The following LUC7L2 variants were observed in gnomAD, a reference collection of about 807,000 sequenced individuals.
LUC7L2 encodes LUC7 like 2, pre-mRNA splicing factor, also known as putative RNA-binding protein Luc7-like 2.
A neutral mutation model predicts 52.8 loss-of-function variants in LUC7L2; 25 were observed. The ratio of observed to expected loss-of-function variants is 0.47; its 90% CI spans 0.34 to 0.66. The LOEUF (loss-of-function observed/expected upper bound fraction) is 0.66. LUC7L2 is among the 30% of genes least tolerant of loss of function. The pLI, the probability that LUC7L2 is intolerant of heterozygous loss-of-function variation, is 0.01. For synonymous variants in LUC7L2, 144 were observed against 160.9 expected (o/e 0.89, Z 0.80); for missense variants, 328 against 497.8 (o/e 0.66, Z 3.25).
At chr7:139,340,680 T>C (rs578068936) in intron 1 of LUC7L2, 29 of 394,628 alleles carry the variant, frequency 7.3e-5, no homozygotes, top group East Asian at 1.8e-4. Flanking sequence ...ATATGTTGTG[T>C]GAGCGCGTCG....
rs750892943 is a variant in LUC7L2 at position 139,375,926 on chromosome 7, A to G, written c.62-136A>G. The G allele has an allele frequency of 2.7e-4, 221 of 822,296 alleles. 1 individual carries two copies. The highest frequency in any genetic ancestry group is 3.5e-4 in the Non-Finnish European group (191 of 545,062). The allele number at this position is 822,296 out of a possible 1,614,324, so 50.9% of individuals were successfully genotyped here. A position where few individuals can be genotyped will look rare whatever the true frequency, so the allele number is the denominator to read the frequency against. On this transcript the variant is annotated intron_variant, in intron 1 of 9. Transcript: ENST00000354926. ...AAAATAGTTTTTCTATAGGATGTAT[A>G]TAAAAACTAATCCCTCTTGAGCTGA... is the stretch of plus-strand genomic sequence containing the variant.
upstream of LUC7L2, among the ~76,000 whole-genome samples, chr7:139,356,599 T>C (rs1017160168): frequency 2.2e-5 from 3 of 139,212 alleles, no homozygotes; most frequent in Admixed American, 2.1e-4. Context: ...CTGGCCAACA[T>C]GGTGAAAACC....
At chr7:139,348,544 C>G (rs1050008127) in intron 1 of LUC7L2, among the ~76,000 whole-genome samples, 25 of 151,432 alleles carry the variant, frequency 1.7e-4, no homozygotes, top group African/African-American at 6.1e-4. Context: ...CATGGTGAAA[C>G]CCCGTCTCTA....
chr7:139,412,718 C>CTCAAGA, intron 8 of LUC7L2, 138 bp downstream of exon 8: 1 of 1,018,970 alleles, frequency 9.8e-7, no homozygotes, highest in Non-Finnish European at 1.4e-6. Context: ...ATCCCAGCTA[C>CTCAAGA]TCAAGAGGCT....
upstream of LUC7L2, among the ~76,000 whole-genome samples, chr7:139,356,313 T>C (rs1467535513): frequency 5.7e-5 from 2 of 35,016 alleles, no homozygotes; most frequent in Non-Finnish European, 9.6e-5. Flanking sequence ...AGACCCTATC[T>C]CAAAAAAAAA....
chr7:139,380,338 AATCCCAGCACTTTGGGAG>A (rs1800941153), intron 2 of LUC7L2, among the ~76,000 whole-genome samples: 2 of 152,124 alleles, frequency 1.3e-5, no homozygotes, highest in South Asian at 4.1e-4. Context: ...TCATGCCTAT[AATCCCAGCACTTTGGGAG>A]GCCGAGGGGG....
At chr7:139,407,761 A>G (rs542349546) in intron 6 of LUC7L2, among the ~76,000 whole-genome samples, 1 of 152,288 alleles carries the variant, frequency 6.6e-6, no homozygotes, top group South Asian at 2.1e-4. Context: ...GCAAGCTTGC[A>G]GAATCTCTAG....
At chr7:139,389,357 G>A (rs767285038) in intron 2 of LUC7L2, among the ~76,000 whole-genome samples, 3 of 152,062 alleles carry the variant, frequency 2.0e-5, no homozygotes, top group African/African-American at 4.8e-5. Context: ...AGTGGCCTGT[G>A]GGCCAGTATA....
At chr7:139,362,013 A>G (rs1271878905) in intron 1 of LUC7L2, among the ~76,000 whole-genome samples, 1 of 142,260 alleles carries the variant, frequency 7.0e-6, no homozygotes, top group Non-Finnish European at 1.5e-5. Flanking sequence ...TTGCAAAGCT[A>G]AATTTAAATA....
At chr7:139,389,931 C>T (rs956853730) in intron 2 of LUC7L2, among the ~76,000 whole-genome samples, 5 of 152,152 alleles carry the variant, frequency 3.3e-5, no homozygotes, top group African/African-American at 1.2e-4. Flanking sequence ...AGAAGTTCAG[C>T]TGGCGCAGGC....
chr7:139,348,531 C>T (rs1458739013), intron 1 of LUC7L2, among the ~76,000 whole-genome samples: 1 of 151,624 alleles, frequency 6.6e-6, no homozygotes, highest in Non-Finnish European at 1.5e-5. Context: ...CCATCCTGGC[C>T]AACATGGTGA....
At chr7:139,375,815 TACTC>T in intron 1 of LUC7L2, 1 of 375,262 alleles carries the variant, frequency 2.7e-6, no homozygotes, top group South Asian at 5.9e-5. Context: ...TTTTCTGAAG[TACTC>T]TATTTAACAG....
At chr7:139,375,942 CTT>C (rs1356417230) in intron 1 of LUC7L2, 118 bp from the exon 2 acceptor site, 1 of 1,016,382 alleles carries the variant, frequency 9.8e-7, no homozygotes, top group Admixed American at 2.5e-5. Flanking sequence ...ACTAATCCCT[CTT>C]GAGCTGATTT....
upstream of LUC7L2, among the ~76,000 whole-genome samples, chr7:139,358,089 C>A (rs969776104): frequency 2.0e-5 from 3 of 152,102 alleles, no homozygotes; most frequent in Non-Finnish European, 4.4e-5. Flanking sequence ...CTTACTGCAA[C>A]CTCCACTTCC....
intron 8 of LUC7L2, among the ~76,000 whole-genome samples, chr7:139,414,691 G>A (rs1569395304): frequency 6.6e-6 from 1 of 152,126 alleles, no homozygotes; most frequent in Non-Finnish European, 1.5e-5. Flanking sequence ...CCTTCAACAT[G>A]CTGAGCTTTT....
At chr7:139,343,572 CCT>C (rs1799107026) in intron 1 of LUC7L2, among the ~76,000 whole-genome samples, 1 of 152,002 alleles carries the variant, frequency 6.6e-6, no homozygotes. Flanking sequence ...GGAGCGAGAC[CCT>C]GTCTCAAAAA....
At chr7:139,378,218 A>G (rs1800818079) in intron 2 of LUC7L2, among the ~76,000 whole-genome samples, 1 of 152,160 alleles carries the variant, frequency 6.6e-6, no homozygotes, top group Admixed American at 6.5e-5. Flanking sequence ...TGTCTATAGT[A>G]TACTGTGATT....
intron 4 of LUC7L2, among the ~76,000 whole-genome samples, chr7:139,405,042 G>A (rs1054689546): frequency 6.6e-5 from 10 of 152,320 alleles, no homozygotes; most frequent in African/African-American, 2.4e-4. Context: ...AAAGTAGTAT[G>A]ATATTTATGA....
chr7:139,363,323 C>T, intron 1 of LUC7L2: 1 of 804,336 alleles, frequency 1.2e-6, no homozygotes, highest in Non-Finnish European at 1.5e-6. Flanking sequence ...AACTCATACC[C>T]ATATAACTGG....
Sources: gnomAD v4.1 joint callset for allele counts (sites outside exome capture counted in the v4.1 genomes callset) on GRCh38, gnomAD v4.1.1 for gene constraint, MANE v1.5 for transcripts, NCBI Gene and HGNC (gene_info 2026-07-23, HGNC 2026-07-21) for gene names.